The following TACC2 variants were observed in gnomAD, a reference collection of about 807,000 sequenced individuals.
TACC2 encodes transforming acidic coiled-coil containing protein 2.
A neutral mutation model predicts 227.3 loss-of-function variants in TACC2; 137 were observed. The observed-to-expected ratio is 0.60, with a 90% CI of 0.52 to 0.69. The LOEUF is 0.69. Among genes scored for constraint, TACC2 ranks in the 30% least tolerant of loss-of-function variants. The pLI is 0.00. For missense variants in TACC2, 3,470 were observed against 3,694.4 expected (o/e 0.94, Z 1.57); for synonymous variants, 1,523 against 1,487.5 (o/e 1.02, Z -0.55).
chr10:122,163,455 C>G lies in TACC2; in HGVS notation c.5834+19749C>G, dbSNP rs902998783. 5.0e-4 allele frequency: 285 copies of G among 567,512 alleles called. No homozygotes were observed. In the African/African-American group the frequency reaches 5.1e-3, roughly 10 times the overall value. The allele number at this position is 567,512 out of a possible 1,614,324, so 35.2% of individuals were successfully genotyped here. On this transcript the variant is annotated intron_variant, in intron 7 of 22. Transcript: ENST00000369005. ...GCGGTCCCGGCGAGGCGGGAGGGGC[C>G]GGGGCAGAGGGAGGGTCTTCGCCTC...
chr10:122,159,077 C>A (rs2092667017), intron 7 of TACC2, among the ~76,000 whole-genome samples: 2 of 152,292 alleles, frequency 1.3e-5, no homozygotes, highest in East Asian at 3.9e-4. Flanking sequence ...TGGGGGCTGG[C>A]AGGGAGCAGA....
At chr10:122,059,059 A>ATTTTTTTTTTTT (rs370288691) in intron 3 of TACC2, among the ~76,000 whole-genome samples, 1 of 119,216 alleles carries the variant, frequency 8.4e-6, no homozygotes, top group African/African-American at 3.0e-5. Context: ...CGCCTGGCTA[A>ATTTTTTTTTTTT]TTTGTTGTTG....
chr10:122,122,083 C>T (rs1034942580), intron 5 of TACC2, among the ~76,000 whole-genome samples: 5 of 151,868 alleles, frequency 3.3e-5, no homozygotes, highest in African/African-American at 7.3e-5. Flanking sequence ...TAGCCAGGCG[C>T]GGTGGCTCAC....
intron 16 of TACC2, among the ~76,000 whole-genome samples, chr10:122,232,660 C>T (rs912238070): frequency 6.6e-6 from 1 of 152,108 alleles, no homozygotes; most frequent in Non-Finnish European, 1.5e-5. Flanking sequence ...AAGTGCATTA[C>T]CTGGTGATGT....
chr10:122,199,733 C>T (rs1409999137), intron 8 of TACC2, among the ~76,000 whole-genome samples: 2 of 152,304 alleles, frequency 1.3e-5, no homozygotes. Context: ...AGACCAGGTA[C>T]CTGTTAGCAA....
intron 14 of TACC2, 89 bp from the exon 15 acceptor site, chr10:122,229,257 A>G (rs1432646223): frequency 1.3e-6 from 2 of 1,515,120 alleles, no homozygotes; most frequent in Non-Finnish European, 1.8e-6. Flanking sequence ...AATGTCCAGC[A>G]AATGGCTGCA....
At chr10:122,215,287 GGCC>G in intron 9 of TACC2, 101 bp from the exon 10 acceptor site, 1 of 1,024,030 alleles carries the variant, frequency 9.8e-7, no homozygotes, top group South Asian at 1.3e-5. Flanking sequence ...GGGTGGCCTG[GGCC>G]AGATGGCTCC....
chr10:122,253,103 G>A (rs772452822), intron 22 of TACC2, among the ~76,000 whole-genome samples: 2 of 152,204 alleles, frequency 1.3e-5, no homozygotes, highest in Non-Finnish European at 2.9e-5. Context: ...CAGGAGTTCT[G>A]AGGTTTTCAG....
chr10:122,057,574 G>A lies in TACC2; in HGVS notation c.146+7024G>A, dbSNP rs187092879. ...TCCCAGCACTTTGGGAGGCCGAGGC[G>A]GGCAGATCACCTGAGGTCGGGAGTT... On this transcript the variant is annotated intron_variant, in intron 3 of 22. Transcript: ENST00000369005. 8.5e-5 allele frequency among the ~76,000 whole-genome samples: 13 copies of A among 152,200 alleles called. No individual in the cohort carries two copies. The East Asian group carries it at 1.4e-3, about 16-fold the overall frequency.
chr10:122,213,349 G>A (rs1220226175), intron 9 of TACC2: 2 of 1,611,874 alleles, frequency 1.2e-6, no homozygotes, highest in Non-Finnish European at 1.7e-6. Context: ...TAGGATGGTT[G>A]AAGATGTGAT....
chr10:122,035,615 T>C (rs904681106), intron 2 of TACC2, among the ~76,000 whole-genome samples: 3 of 152,126 alleles, frequency 2.0e-5, no homozygotes, highest in African/African-American at 7.2e-5. Flanking sequence ...AAAATATATA[T>C]AACATAAGAT....
At chr10:122,232,167 C>T (rs550662014) in intron 16 of TACC2, among the ~76,000 whole-genome samples, 5 of 152,280 alleles carry the variant, frequency 3.3e-5, no homozygotes, top group East Asian at 1.9e-4. Context: ...TCCATGAAAG[C>T]GAGATTTTTA....
Position 122,022,010 on chromosome 10 carries a change from A to G in TACC2, c.29A>G (p.Asn10Ser), listed in dbSNP as rs773505492. The G allele has an allele frequency of 6.2e-7, 1 of 1,614,116 alleles. No individual in the cohort carries two copies. The highest frequency in any genetic ancestry group is 8.5e-7 in the Non-Finnish European group (1 of 1,179,996). ...GGCAATGAGAACAGCACCTCGGACA[A>G]CCAGGTGGGTGTCAGGAAGCTTCTC... MGNENSTSD[N>S]QRTLSAQTPR... The change falls in exon 2 of 23, where the codon AAC becomes AGC. Residue 10 changes from asparagine to serine, a missense_variant. Transcript: ENST00000369005.
Position 122,249,570 on chromosome 10 carries a change from G to A in TACC2, c.8687G>A (p.Arg2896Gln), listed in dbSNP as rs1564879870. The change falls in exon 22 of 23, where the codon CGA becomes CAA. Residue 2896 changes from arginine to glutamine, a missense_variant. By Grantham distance (43) the Arg-to-Gln change is conservative (BLOSUM62 1). Coordinates refer to ENST00000369005, the MANE Select transcript of TACC2 (RefSeq NM_206862.4). ...DRANAEIAQV[R>Q]GKAQQEQAAH... ...GCCAATGCTGAGATTGCTCAGGTTC[G>A]AGGCAAGGCCCAGCAGGAGCAAGCC... The A allele has an allele frequency of 7.4e-6, 12 of 1,614,100 alleles. No homozygotes were observed. Among genetic ancestry groups the A allele is most frequent in the Non-Finnish European group, 9.3e-6 (11 of 1,180,002 alleles).
chr10:122,210,902 A>G lies in TACC2; in HGVS notation c.6477A>G (p.Glu2159=). ...PVKETQQEPD[E]ESLVPSGENL... ...AGGAGACGCAACAGGAGCCAGATGA[A>G]GAGAGCCTTGTCCCCAGTGGGGAGA... is the stretch of plus-strand genomic sequence containing the variant. The change falls in exon 9 of 23, where the codon GAA becomes GAG. Residue 2159 remains glutamate (E), a synonymous_variant. Coordinates refer to ENST00000369005, the MANE Select transcript of TACC2 (RefSeq NM_206862.4). The surrounding 1 kb of genome is among the most constrained non-coding windows in gnomAD (Gnocchi z 4.6). 1 of 1,613,720 alleles carries G rather than the reference A, an allele frequency of 6.2e-7. No homozygotes were observed. Among genetic ancestry groups the G allele is most frequent in the Non-Finnish European group, 8.5e-7 (1 of 1,179,978 alleles).
chr10:122,070,422 A>G (rs994982971), intron 3 of TACC2, among the ~76,000 whole-genome samples: 5 of 152,040 alleles, frequency 3.3e-5, no homozygotes, highest in African/African-American at 1.2e-4. Flanking sequence ...CAGCCTGGGA[A>G]ACATGGCAAA....
intron 7 of TACC2, among the ~76,000 whole-genome samples, chr10:122,188,769 A>G (rs1481243609): frequency 6.6e-6 from 1 of 152,192 alleles, no homozygotes; most frequent in Non-Finnish European, 1.5e-5. Context: ...AACCCCAGTA[A>G]CATCACAACA....
chr10:122,141,202 A>T lies in TACC2; in HGVS notation c.5700-2370A>T, dbSNP rs2090482999. Among the ~76,000 whole-genome samples the T allele has an allele frequency of 6.6e-6, 1 of 151,404 alleles. No homozygotes were observed. The highest frequency in any genetic ancestry group is 2.4e-5 in the African/African-American group (1 of 41,160). On this transcript the variant is annotated intron_variant, in intron 6 of 22. Coordinates refer to ENST00000369005, the MANE Select transcript of TACC2 (RefSeq NM_206862.4). This position sits in a 1 kb window ranked among gnomAD's most constrained non-coding sequence, Gnocchi z 4.3. ...GAGGAGGGTCAGGAGGGAAGAGGAG[A>T]AGTTCTGTTGGGCCCAGGAGGTGTC...
chr10:122,054,904 G>A (rs185287884), intron 3 of TACC2, among the ~76,000 whole-genome samples: 7 of 152,226 alleles, frequency 4.6e-5, no homozygotes, highest in African/African-American at 9.6e-5. Flanking sequence ...CTGGCTCCCC[G>A]AGGACAGGTC....
Sources: allele counts gnomAD v4.1 joint callset (sites outside exome capture counted in the v4.1 genomes callset), GRCh38; gene constraint gnomAD v4.1.1; non-coding constraint Gnocchi (gnomAD v3.1); transcripts MANE v1.5; gene names NCBI Gene and HGNC (gene_info 2026-07-23, HGNC 2026-07-21).